The following SOX6 variants were observed in gnomAD, a reference collection of about 807,000 sequenced individuals.
The protein encoded by SOX6 is SRY-box transcription factor 6, also known as transcription factor SOX-6.
A neutral mutation model predicts 97.8 loss-of-function variants in SOX6; 11 were observed. That is an observed-to-expected ratio of 0.11 (90% CI 0.07 to 0.19). The LOEUF (loss-of-function observed/expected upper bound fraction) is 0.19. Ranked by LOEUF, SOX6 falls within the 10% of genes least tolerant of loss-of-function variation. The pLI, the probability that SOX6 is intolerant of heterozygous loss-of-function variation, is 1.00. For synonymous variants in SOX6, 360 were observed against 371.4 expected (o/e 0.97, Z 0.35); for missense variants, 810 against 1,039.5 (o/e 0.78, Z 3.04).
intron 3 of SOX6, among the ~76,000 whole-genome samples, chr11:16,682,687 A>C (rs1784655222): frequency 6.6e-6 from 1 of 152,216 alleles, no homozygotes; most frequent in African/African-American, 2.4e-5. Context: ...CAAAACAAGG[A>C]TGCCCTCTCC....
At chr11:16,012,282 A>G (rs1458239900) in intron 13 of SOX6, among the ~76,000 whole-genome samples, 1 of 152,068 alleles carries the variant, frequency 6.6e-6, no homozygotes, top group Non-Finnish European at 1.5e-5. Context: ...CAGACTTTGC[A>G]ATCAGCTCAG....
chr11:16,333,730 T>G (rs1037589564), intron 2 of SOX6, among the ~76,000 whole-genome samples: 4 of 152,224 alleles, frequency 2.6e-5, no homozygotes, highest in Non-Finnish European at 5.9e-5. Flanking sequence ...GATTTTTTAT[T>G]AGTAACCAAG....
intron 3 of SOX6, among the ~76,000 whole-genome samples, chr11:16,628,268 G>T (rs1347249176): frequency 6.6e-6 from 1 of 152,040 alleles, no homozygotes; most frequent in African/African-American, 2.4e-5. Flanking sequence ...GATTGCTTTG[G>T]CTACTTGGGC....
chr11:16,520,440 C>A (rs529016819), intron 4 of SOX6, among the ~76,000 whole-genome samples: 3 of 152,264 alleles, frequency 2.0e-5, no homozygotes, highest in South Asian at 2.1e-4. Context: ...GTTTATTAAC[C>A]GTGTCTTCCA....
intron 3 of SOX6, among the ~76,000 whole-genome samples, chr11:16,297,109 C>T (rs1354774806): frequency 6.6e-6 from 1 of 152,068 alleles, no homozygotes; most frequent in East Asian, 1.9e-4. Flanking sequence ...ATTTTTAAAG[C>T]AGATGAGAGA....
chr11:16,671,446 A>G (rs1398862024), intron 3 of SOX6, among the ~76,000 whole-genome samples: 2 of 152,262 alleles, frequency 1.3e-5, no homozygotes, highest in East Asian at 3.8e-4. Context: ...AGTACAGGAA[A>G]GAACCTAAAA....
intron 3 of SOX6, among the ~76,000 whole-genome samples, chr11:16,711,202 A>G (rs1292957112): frequency 6.6e-6 from 1 of 152,170 alleles, no homozygotes; most frequent in African/African-American, 2.4e-5. Flanking sequence ...AAATGTCTTA[A>G]GACATCAAAT....
At chr11:16,583,142 A>C (rs1293051449) in intron 4 of SOX6, among the ~76,000 whole-genome samples, 1 of 151,978 alleles carries the variant, frequency 6.6e-6, no homozygotes, top group African/African-American at 2.4e-5. Flanking sequence ...ATATAAAATA[A>C]AGCTTTTGCA....
intron 3 of SOX6, among the ~76,000 whole-genome samples, chr11:16,279,373 A>G (rs1047284080): frequency 6.6e-5 from 10 of 152,118 alleles, no homozygotes; most frequent in Non-Finnish European, 1.0e-4. Context: ...TTTGAGAAAT[A>G]TAGGGTAAAT....
At chr11:16,575,755 G>A (rs900183968) in intron 4 of SOX6, among the ~76,000 whole-genome samples, 2 of 152,116 alleles carry the variant, frequency 1.3e-5, no homozygotes, top group Non-Finnish European at 1.5e-5. Flanking sequence ...ATGGTGATGG[G>A]GTAACACTAA....
intron 12 of SOX6, among the ~76,000 whole-genome samples, chr11:16,026,903 T>C (rs1292506170): frequency 6.6e-6 from 1 of 152,176 alleles, no homozygotes; most frequent in African/African-American, 2.4e-5. Flanking sequence ...GAAACGCTTT[T>C]CAAAACAGTA....
At chr11:16,146,040 C>G (rs983246895) in intron 6 of SOX6, among the ~76,000 whole-genome samples, 101 of 152,226 alleles carry the variant, frequency 6.6e-4, no homozygotes, top group Non-Finnish European at 1.1e-3. Flanking sequence ...GCCCACATTG[C>G]CAAGTCAATC....
chr11:16,152,269 GT>G (rs1255812985), intron 6 of SOX6, among the ~76,000 whole-genome samples: 3 of 152,066 alleles, frequency 2.0e-5, no homozygotes, highest in African/African-American at 7.2e-5. Context: ...ATATGCTGTT[GT>G]TTCTCACCAC....
In SOX6 at chr11:16,605,923, T is replaced by TG. The variant is rs1848328824; in HGVS notation, n.609+6157dup. 6.6e-6 allele frequency: 1 copy of TG among 152,258 alleles called. No individual in the cohort carries two copies. The highest frequency in any genetic ancestry group is 1.5e-5 in the Non-Finnish European group (1 of 68,076). 9.4% of individuals were successfully genotyped at this position (152,258 alleles called of 1,614,324 possible). A position where few individuals can be genotyped will look rare whatever the true frequency, so the allele number is the denominator to read the frequency against. Reference sequence around the variant, plus strand: ...TACTTTGCATTTAGTCTCTATTCTTTGGGGGATGCGGTTTAGGTCGGCTCG... The same window carrying TG: ...TACTTTGCATTTAGTCTCTATTCTTTGGGGGGATGCGGTTTAGGTCGGCTCG... On this transcript the variant is annotated intron_variant and non_coding_transcript_variant, in intron 4 of 5. Transcript: ENST00000524520. This position sits in a 1 kb window ranked among gnomAD's most constrained non-coding sequence, Gnocchi z 5.3.
chr11:16,202,078 T>C (rs1851957130), intron 4 of SOX6, among the ~76,000 whole-genome samples: 2 of 152,194 alleles, frequency 1.3e-5, no homozygotes, highest in Non-Finnish European at 2.9e-5. Context: ...ATACTTTCAC[T>C]ACTAATTAAC....
intron 3 of SOX6, among the ~76,000 whole-genome samples, chr11:16,239,978 C>T (rs1853136328): frequency 6.6e-6 from 1 of 152,042 alleles, no homozygotes; most frequent in African/African-American, 2.4e-5. Flanking sequence ...TTAACCCTCC[C>T]CTCTTCTTTC....
intron 13 of SOX6, among the ~76,000 whole-genome samples, chr11:15,992,354 G>A (rs968417389): frequency 6.6e-6 from 1 of 152,168 alleles, no homozygotes; most frequent in Non-Finnish European, 1.5e-5. Flanking sequence ...CAACAGCGAC[G>A]TTTAACACCA....
At chr11:16,380,773 C>T (rs1051992658) in intron 1 of SOX6, among the ~76,000 whole-genome samples, 1 of 152,006 alleles carries the variant, frequency 6.6e-6, no homozygotes, top group Non-Finnish European at 1.5e-5. Flanking sequence ...TGTCCATCTA[C>T]TAATAGATAG....
chr11:16,404,933 A>G (rs1304678437), intron 1 of SOX6, among the ~76,000 whole-genome samples: 1 of 152,004 alleles, frequency 6.6e-6, no homozygotes, highest in Non-Finnish European at 1.5e-5. Context: ...TCTTTCTCCA[A>G]TCACAGCTTT....
Sources: gnomAD v4.1 joint callset for allele counts (sites outside exome capture counted in the v4.1 genomes callset) on GRCh38, gnomAD v4.1.1 for gene constraint, Gnocchi (gnomAD v3.1) non-coding constraint, MANE v1.5 for transcripts, NCBI Gene and HGNC (gene_info 2026-07-23, HGNC 2026-07-21) for gene names.